The following DAB1 variants were observed in gnomAD, a reference collection of about 807,000 sequenced individuals.
DAB1 encodes DAB adaptor protein 1, also known as disabled homolog 1.
Under a neutral mutation model 64.6 loss-of-function variants are expected in DAB1, and 15 were observed. The ratio of observed to expected loss-of-function variants is 0.23; its 90% CI spans 0.16 to 0.36. DAB1 has a LOEUF of 0.36. DAB1 is among the 10% of genes least tolerant of loss of function. The pLI is 1.00. For missense variants in DAB1, 596 were observed against 706.7 expected, an observed-to-expected ratio of 0.84 and a Z score of 1.78; for synonymous variants, 235 against 251.9, an observed-to-expected ratio of 0.93 and a Z score of 0.64.
intron 9 of DAB1, among the ~76,000 whole-genome samples, chr1:57,029,628 T>A (rs532592070): frequency 6.6e-6 from 1 of 152,312 alleles, no homozygotes; most frequent in South Asian, 2.1e-4. Context: ...CCCAAGACCA[T>A]GGGAACCTAC....
chr1:57,106,757 C>T (rs499755), intron 4 of DAB1, among the ~76,000 whole-genome samples: 1 of 152,088 alleles, frequency 6.6e-6, no homozygotes, highest in Admixed American at 6.5e-5. Flanking sequence ...TTCATGTCCC[C>T]GGCCCTTTCT....
chr1:57,372,223 T>C (rs1680555970), intron 1 of DAB1, among the ~76,000 whole-genome samples: 1 of 152,210 alleles, frequency 6.6e-6, no homozygotes, highest in African/African-American at 2.4e-5. Flanking sequence ...ACAATTTCTC[T>C]ATAGACACCA....
chr1:57,115,761 GA>G (rs1332070650), intron 4 of DAB1, among the ~76,000 whole-genome samples: 2 of 152,128 alleles, frequency 1.3e-5, no homozygotes, highest in East Asian at 1.9e-4. Flanking sequence ...TCTTAAAGGT[GA>G]AAACACTCCA....
chr1:57,226,672 A>ATATATATAT lies in DAB1; in HGVS notation c.67+64291_67+64292insATATATATA, dbSNP rs1553158266. Among the ~76,000 whole-genome samples the ATATATATAT allele has an allele frequency of 3.8e-4, 51 of 135,992 alleles. No individual in the cohort carries two copies. In the Middle Eastern group the frequency reaches 0.011, roughly 30 times the overall value. The allele number at this position is 135,992 out of a possible 152,430, so 89.2% of individuals were successfully genotyped here. On this transcript the variant is annotated intron_variant, in intron 2 of 14. Coordinates refer to ENST00000371236, the MANE Select transcript of DAB1 (RefSeq NM_001365792.1). ...GTCACTCAAAAGTGGTTAAAAAAAA[A>ATATATATAT]ATATATATATATATATATATATATA...
At chr1:57,558,499 GA>G (rs750600885) in intron 7 of DAB1, among the ~76,000 whole-genome samples, 26 of 152,136 alleles carry the variant, frequency 1.7e-4, no homozygotes, top group Admixed American at 3.9e-4. Flanking sequence ...CATATAAACA[GA>G]AATCTGGAAA....
chr1:57,666,265 G>A lies in DAB1; in HGVS notation n.552-16600C>T, dbSNP rs183474112. 3.9e-5 allele frequency among the ~76,000 whole-genome samples: 6 copies of A among 152,224 alleles called. No individual in the cohort carries two copies. The East Asian group carries it at 5.8e-4, about 15-fold the overall frequency. ...AATGTGTGCTTAGGGAAAAAAGGAC[G>A]AGGGTGACCATAATGAACAGAAAAG... On this transcript the variant is annotated intron_variant and non_coding_transcript_variant, in intron 6 of 20. Coordinates refer to the DAB1 transcript ENST00000485760.
chr1:58,441,252 C>T (rs1645004907), intron 3 of DAB1, among the ~76,000 whole-genome samples: 1 of 152,202 alleles, frequency 6.6e-6, no homozygotes, highest in Admixed American at 6.5e-5. Context: ...AATGTCTGCT[C>T]TAAATCCCAG....
intron 9 of DAB1, chr1:57,033,649 G>T: frequency 7.2e-7 from 1 of 1,395,746 alleles, no homozygotes; most frequent in Non-Finnish European, 1.0e-6. Flanking sequence ...GTTTAATGAT[G>T]ACAGTATCTA....
intron 2 of DAB1, among the ~76,000 whole-genome samples, chr1:57,286,363 GA>G (rs74371555): frequency 2.7e-3 from 407 of 151,162 alleles, no homozygotes; most frequent in African/African-American, 8.5e-3. Flanking sequence ...ATAAGAGGGG[GA>G]AAAAAAACAC....
At chr1:57,913,889 A>G (rs1358111284) in intron 5 of DAB1, among the ~76,000 whole-genome samples, 6 of 152,222 alleles carry the variant, frequency 3.9e-5, no homozygotes, top group Non-Finnish European at 7.3e-5. Context: ...TCAAAACCAC[A>G]TTGAGATACC....
chr1:57,040,406 A>T (rs1040257691), intron 9 of DAB1, among the ~76,000 whole-genome samples: 1 of 152,196 alleles, frequency 6.6e-6, no homozygotes, highest in African/African-American at 2.4e-5. Context: ...ACCATCACAG[A>T]CACAGAGCTC....
intron 3 of DAB1, among the ~76,000 whole-genome samples, chr1:58,394,068 C>T (rs1035091065): frequency 6.6e-6 from 1 of 151,512 alleles, no homozygotes; most frequent in Non-Finnish European, 1.5e-5. Context: ...AGAAAGCAAC[C>T]AACCTGATAA....
chr1:57,185,037 G>A (rs752161801), intron 2 of DAB1, among the ~76,000 whole-genome samples: 1 of 152,052 alleles, frequency 6.6e-6, no homozygotes, highest in Non-Finnish European at 1.5e-5. Context: ...ACCCACCCCA[G>A]GATCCTGCCA....
chr1:58,359,048 C>G (rs1448154133), intron 3 of DAB1, among the ~76,000 whole-genome samples: 2 of 151,530 alleles, frequency 1.3e-5, no homozygotes, highest in African/African-American at 4.9e-5. Context: ...TTTAGCAAAA[C>G]ACTTGGGTAG....
chr1:58,225,184 T>G (rs1393186984), intron 4 of DAB1, among the ~76,000 whole-genome samples: 9 of 151,866 alleles, frequency 5.9e-5, no homozygotes, highest in Non-Finnish European at 1.0e-4. Flanking sequence ...AAGAAGACAT[T>G]TATGCAGCCA....
intron 7 of DAB1, among the ~76,000 whole-genome samples, chr1:57,628,252 T>C (rs1448646791): frequency 6.6e-6 from 1 of 152,194 alleles, no homozygotes; most frequent in Non-Finnish European, 1.5e-5. Flanking sequence ...TGCACTGACA[T>C]GTAAAAAAGC....
intron 3 of DAB1, chr1:58,480,813 T>C (rs1299276787): frequency 2.5e-5 from 13 of 529,566 alleles, no homozygotes; most frequent in Non-Finnish European, 4.1e-5. Context: ...GAAAAATAAA[T>C]TCTAGAAGAA....
chr1:57,562,673 A>T (rs948437447), intron 7 of DAB1, among the ~76,000 whole-genome samples: 2 of 152,168 alleles, frequency 1.3e-5, no homozygotes, highest in East Asian at 3.9e-4. Context: ...ACCACTCACC[A>T]TCACCCCTAG....
chr1:58,236,505 T>G (rs1489275756), intron 4 of DAB1, among the ~76,000 whole-genome samples: 1 of 152,136 alleles, frequency 6.6e-6, no homozygotes, highest in African/African-American at 2.4e-5. Context: ...AGGCAGTGTT[T>G]CCTTCAAACA....
Sources: allele counts gnomAD v4.1 joint callset (sites outside exome capture counted in the v4.1 genomes callset), GRCh38; gene constraint gnomAD v4.1.1; transcripts MANE v1.5; gene names NCBI Gene and HGNC (gene_info 2026-07-23, HGNC 2026-07-21).